CSNK1G3: variants seen among roughly 807,000 people sequenced by gnomAD.
The protein encoded by CSNK1G3 is casein kinase I isoform gamma-3.
CSNK1G3 carries 23 observed loss-of-function variants against 64.3 expected under a neutral mutation model. The ratio of observed to expected loss-of-function variants is 0.36; its 90% CI spans 0.26 to 0.51. CSNK1G3 has a LOEUF of 0.51. CSNK1G3 is among the 20% of genes least tolerant of loss of function. The pLI is 0.96. For missense variants in CSNK1G3, 357 were observed against 510.5 expected (o/e 0.70, Z 2.90); for synonymous variants, 158 against 162.2 (o/e 0.97, Z 0.20).
intron 4 of CSNK1G3, among the ~76,000 whole-genome samples, chr5:123,572,042 C>G (rs992236220): frequency 1.3e-5 from 2 of 152,192 alleles, no homozygotes; most frequent in African/African-American, 4.8e-5. Flanking sequence ...GGATCATTAA[C>G]AAGAATGGCC....
At chr5:123,533,963 T>C (rs1332374765) in intron 1 of CSNK1G3, among the ~76,000 whole-genome samples, 1 of 152,016 alleles carries the variant, frequency 6.6e-6, no homozygotes, top group East Asian at 1.9e-4. Flanking sequence ...TCTTTTGCTG[T>C]TCTGTTTTCT....
intron 3 of CSNK1G3, among the ~76,000 whole-genome samples, chr5:123,556,822 A>G (rs1486867063): frequency 2.1e-5 from 2 of 95,908 alleles, no homozygotes; most frequent in African/African-American, 3.9e-5. Context: ...AAAAACATTT[A>G]TGTCGAATGA....
intron 12 of CSNK1G3, among the ~76,000 whole-genome samples, chr5:123,613,917 A>G (rs1392292400): frequency 6.6e-6 from 1 of 152,176 alleles, no homozygotes; most frequent in Admixed American, 6.5e-5. Context: ...AATGTTGACT[A>G]GTGTATATTG....
chr5:123,597,166 A>G (rs1793595171), intron 10 of CSNK1G3, among the ~76,000 whole-genome samples: 1 of 152,140 alleles, frequency 6.6e-6, no homozygotes, highest in Non-Finnish European at 1.5e-5. Flanking sequence ...AGAGAAAAAA[A>G]CTTTTCAGTA....
chr5:123,557,164 G>T (rs974414483), intron 3 of CSNK1G3, among the ~76,000 whole-genome samples: 2 of 152,054 alleles, frequency 1.3e-5, no homozygotes, highest in Admixed American at 6.6e-5. Context: ...CAGTTCAGAG[G>T]TGAATTTGGA....
At chr5:123,583,581 C>G (rs909065543) in intron 6 of CSNK1G3, among the ~76,000 whole-genome samples, 17 of 151,674 alleles carry the variant, frequency 1.1e-4, no homozygotes, top group Admixed American at 1.1e-3. Context: ...TCAGGCTGCT[C>G]TCGAACTCCC....
intron 10 of CSNK1G3, among the ~76,000 whole-genome samples, chr5:123,601,636 A>T (rs1245316634): frequency 6.6e-6 from 1 of 152,204 alleles, no homozygotes; most frequent in Non-Finnish European, 1.5e-5. Flanking sequence ...CAGTGTATAT[A>T]TAGTCACTGT....
At chr5:123,543,567 C>A (rs926589543) in intron 1 of CSNK1G3, among the ~76,000 whole-genome samples, 4 of 152,170 alleles carry the variant, frequency 2.6e-5, no homozygotes, top group Non-Finnish European at 4.4e-5. Flanking sequence ...ATTCCATTTA[C>A]TTCAACAGCT....
intron 3 of CSNK1G3, among the ~76,000 whole-genome samples, chr5:123,554,471 TAGAA>T (rs1784257898): frequency 6.6e-6 from 1 of 152,152 alleles, no homozygotes; most frequent in African/African-American, 2.4e-5. Context: ...CCGATGTACA[TAGAA>T]AGCCAAGTTA....
intron 6 of CSNK1G3, among the ~76,000 whole-genome samples, chr5:123,579,326 A>G (rs1789805790): frequency 6.6e-6 from 1 of 150,582 alleles, no homozygotes; most frequent in African/African-American, 2.4e-5. Context: ...TAAGTTTCAA[A>G]TATTTAAAAT....
chr5:123,562,118 C>G (rs1000749322), intron 4 of CSNK1G3, among the ~76,000 whole-genome samples: 1 of 152,054 alleles, frequency 6.6e-6, no homozygotes, highest in African/African-American at 2.4e-5. Context: ...TTGAGTAGAT[C>G]TTACTATTTT....
At chr5:123,555,186 A>G (rs1784408264) in intron 3 of CSNK1G3, among the ~76,000 whole-genome samples, 1 of 152,154 alleles carries the variant, frequency 6.6e-6, no homozygotes, top group Non-Finnish European at 1.5e-5. Flanking sequence ...ATGGTTATAC[A>G]TTGTTCTTTG....
chr5:123,522,511 A>G (rs1055820993), intron 1 of CSNK1G3, among the ~76,000 whole-genome samples: 5 of 151,676 alleles, frequency 3.3e-5, no homozygotes, highest in Non-Finnish European at 5.9e-5. Context: ...TCAAAAAAAA[A>G]AAAGAAAAAA....
chr5:123,604,936 A>G (rs1795093043), intron 11 of CSNK1G3, 106 bp downstream of exon 12: 1 of 782,228 alleles, frequency 1.3e-6, no homozygotes, highest in African/African-American at 1.7e-5. Flanking sequence ...TTCAGGGAAT[A>G]GGTGCATGCA....
At chr5:123,564,137 A>G (rs1340929042) in intron 4 of CSNK1G3, among the ~76,000 whole-genome samples, 1 of 152,078 alleles carries the variant, frequency 6.6e-6, no homozygotes, top group Non-Finnish European at 1.5e-5. Context: ...TACTACTATC[A>G]TAGTAGATGG....
In CSNK1G3 at chr5:123,545,742, C is replaced by T. The variant is rs758415272; in HGVS notation, c.79C>T (p.Arg27Ter). ...TAGTGGTCGATCGGGACACAACACT[C>T]GAGGAACTGGGTCTTCATCGTCTGG... Residue 27 changes from arginine (R) to a stop codon, truncating the protein, a stop_gained, in exon 2 of 13, where the codon CGA becomes TGA. Transcript: ENST00000345990. LOFTEE classifies it high-confidence loss of function. 6.2e-7 allele frequency: 1 copy of T among 1,613,618 alleles called. No individual in the cohort carries two copies. Among genetic ancestry groups the T allele is most frequent in the Non-Finnish European group, 8.5e-7 (1 of 1,179,698 alleles).
exon 2 of CSNK1G3, chr5:123,545,652 C>T (rs755527872): frequency 2.7e-5 from 44 of 1,608,368 alleles, no homozygotes; most frequent in Non-Finnish European, 3.5e-5. Context: ...AGTGGAGTAC[C>T]GCAAACTTGA....
chr5:123,551,249 A>T (rs1434860969), intron 2 of CSNK1G3, among the ~76,000 whole-genome samples: 5 of 152,222 alleles, frequency 3.3e-5, no homozygotes, highest in Non-Finnish European at 7.3e-5. Flanking sequence ...GAATATCATT[A>T]AATTATTTAC....
chr5:123,535,740 G>A lies in CSNK1G3; in HGVS notation c.-247-9677G>A, dbSNP rs143702852. On this transcript the variant is annotated intron_variant, in intron 1 of 12. Coordinates refer to ENST00000345990, the Ensembl canonical transcript of CSNK1G3. ...CCTAGTCCATTTTCACTGATTTCTTGTCATGTATCTTTATAAGAATAGTTC... is the reference window on the plus strand; with the variant it reads ...CCTAGTCCATTTTCACTGATTTCTTATCATGTATCTTTATAAGAATAGTTC... Among the ~76,000 whole-genome samples, 19 of 152,014 alleles carry A rather than the reference G, an allele frequency of 1.2e-4. No homozygotes were observed. The East Asian group carries it at 3.3e-3, about 26-fold the overall frequency.
Sources: gnomAD v4.1 joint callset for allele counts (sites outside exome capture counted in the v4.1 genomes callset) on GRCh38, gnomAD v4.1.1 for gene constraint, MANE v1.5 for transcripts, NCBI Gene and HGNC (gene_info 2026-07-23, HGNC 2026-07-21) for gene names.